DLG2: variants seen among roughly 807,000 people sequenced by gnomAD.
DLG2 encodes the protein discs large MAGUK scaffold protein 2, also known as disks large homolog 2.
A neutral mutation model predicts 132.5 loss-of-function variants in DLG2; 45 were observed. That is an observed-to-expected ratio of 0.34 (90% CI 0.27 to 0.44). The LOEUF (loss-of-function observed/expected upper bound fraction) is 0.44. Among genes scored for constraint, DLG2 ranks in the 20% least tolerant of loss-of-function variants. The pLI, the probability that DLG2 is intolerant of heterozygous loss-of-function variation, is 1.00. For missense variants in DLG2, 1,045 were observed against 1,196.9 expected (o/e 0.87, Z 1.87); for synonymous variants, 424 against 419.6 (o/e 1.01, Z -0.13).
Position 83,648,071 on chromosome 11 carries a change from T to C in DLG2, c.1826-14746A>G, listed in dbSNP as rs1203484783. The C allele has an allele frequency of 2.0e-5, 3 of 152,212 alleles. No individual in the cohort carries two copies. The South Asian group carries it at 6.2e-4, about 31-fold the overall frequency. 9.4% of individuals were successfully genotyped at this position (152,212 alleles called of 1,614,324 possible). ...TTGACACAGAATTATTCCATGAATC[T>C]GTCTATTAATCCATTTACAGCAAGT... is the stretch of plus-strand genomic sequence containing the variant. On this transcript the variant is annotated intron_variant, in intron 18 of 27. Coordinates refer to ENST00000376104, the MANE Select transcript of DLG2 (RefSeq NM_001142699.3).
chr11:83,592,560 C>T (rs1030817167), intron 19 of DLG2, among the ~76,000 whole-genome samples: 4 of 151,982 alleles, frequency 2.6e-5, no homozygotes, highest in Non-Finnish European at 4.4e-5. Flanking sequence ...ACCTAGGCAT[C>T]ACCATTCAGG....
intron 11 of DLG2, among the ~76,000 whole-genome samples, chr11:83,999,241 G>T (rs2094205798): frequency 6.6e-6 from 1 of 152,134 alleles, no homozygotes; most frequent in Non-Finnish European, 1.5e-5. Flanking sequence ...CCAGGGCCCA[G>T]CCCAGTCTAT....
intron 17 of DLG2, among the ~76,000 whole-genome samples, chr11:83,807,465 T>G (rs1386467184): frequency 6.6e-6 from 1 of 152,200 alleles, no homozygotes; most frequent in South Asian, 2.1e-4. Flanking sequence ...GCTTCAGATG[T>G]GAACGGAGCT....
intron 8 of DLG2, among the ~76,000 whole-genome samples, chr11:84,190,800 C>T (rs1350892660): frequency 1.3e-5 from 2 of 152,126 alleles, no homozygotes; most frequent in Non-Finnish European, 1.5e-5. Flanking sequence ...TACTTCCTTC[C>T]TCTTCCCTCA....
In DLG2 at chr11:83,668,027, C is replaced by T; in HGVS notation, c.1826-34702G>A. Reference sequence around the variant, plus strand: ...TTAAAGGAAGAGGGAAATGACGGCCCCTGGCTGCCAGTCACTTTGCAATTT... The same window carrying T: ...TTAAAGGAAGAGGGAAATGACGGCCTCTGGCTGCCAGTCACTTTGCAATTT... On this transcript the variant is annotated intron_variant, in intron 18 of 27. Transcript: ENST00000376104. Among the ~76,000 whole-genome samples the T allele has an allele frequency of 1.4e-5, 2 of 145,340 alleles. 1 individual carries two copies. The highest frequency in any genetic ancestry group is 4.4e-4 in the South Asian group (2 of 4,534).
intron 4 of DLG2, among the ~76,000 whole-genome samples, chr11:85,167,857 T>C (rs1462270153): frequency 6.6e-6 from 1 of 152,158 alleles, no homozygotes; most frequent in Non-Finnish European, 1.5e-5. Context: ...TTTTTTCCCC[T>C]ACACTTTTAT....
At chr11:84,738,905 A>C (rs2064221652) in intron 6 of DLG2, among the ~76,000 whole-genome samples, 1 of 152,166 alleles carries the variant, frequency 6.6e-6, no homozygotes, top group Non-Finnish European at 1.5e-5. Flanking sequence ...TATATGTAAA[A>C]CCTCAGAAGT....
intron 9 of DLG2, among the ~76,000 whole-genome samples, chr11:84,154,733 C>G (rs567403457): frequency 2.8e-4 from 43 of 152,090 alleles, no homozygotes; most frequent in African/African-American, 9.6e-4. Context: ...CCACCTATGA[C>G]TGAGAACATG....
rs369840185 is a variant in DLG2, at chr11:84,237,163, C to T, written c.573+14075G>A. On this transcript the variant is annotated intron_variant, in intron 8 of 27. Coordinates refer to ENST00000376104, the MANE Select transcript of DLG2 (RefSeq NM_001142699.3). ...CACGATGGTCTCCATCTCCTGACCTCGTGATTCGCCTGCCTCGGCCTCCCA... is the reference window on the plus strand; with the variant it reads ...CACGATGGTCTCCATCTCCTGACCTTGTGATTCGCCTGCCTCGGCCTCCCA... Among the ~76,000 whole-genome samples the T allele has an allele frequency of 6.8e-4, 104 of 152,148 alleles. 1 individual carries two copies. The highest frequency in any genetic ancestry group is 3.4e-3 in the Middle Eastern group (1 of 294).
chr11:83,748,096 G>T lies in DLG2; in HGVS notation c.1825+38594C>A, dbSNP rs564472469. 3.3e-5 allele frequency among the ~76,000 whole-genome samples: 5 copies of T among 152,272 alleles called. No homozygotes were observed. In the South Asian group the frequency reaches 1.0e-3, roughly 32 times the overall value. ...CCCATCTTTAATCATATAAAATGCT[G>T]CTTTCCTTTAGATAGATTCTGTATG... On this transcript the variant is annotated intron_variant, in intron 18 of 27. Transcript: ENST00000376104.
intron 6 of DLG2, among the ~76,000 whole-genome samples, chr11:84,959,638 G>A (rs554971427): frequency 3.0e-4 from 46 of 152,322 alleles, no homozygotes; most frequent in African/African-American, 1.1e-3. Flanking sequence ...TCTGTAGTAA[G>A]GTGGTGTAAA....
At chr11:85,024,290 G>A (rs1282584387) in intron 6 of DLG2, among the ~76,000 whole-genome samples, 1 of 152,132 alleles carries the variant, frequency 6.6e-6, no homozygotes, top group Non-Finnish European at 1.5e-5. Flanking sequence ...GTTACAGGAT[G>A]GGAAATGTAT....
intron 17 of DLG2, among the ~76,000 whole-genome samples, chr11:83,809,147 G>A (rs1015550414): frequency 4.6e-5 from 7 of 152,084 alleles, no homozygotes; most frequent in Admixed American, 4.6e-4. Flanking sequence ...CTGGAATTGT[G>A]TTATCCTTTT....
intron 15 of DLG2, among the ~76,000 whole-genome samples, chr11:83,881,232 A>G (rs2154075030): frequency 6.6e-6 from 1 of 152,218 alleles, no homozygotes. Context: ...GACTTTTACA[A>G]TTTGCTGAAT....
intron 4 of DLG2, among the ~76,000 whole-genome samples, chr11:85,203,353 A>C (rs1182132495): frequency 6.6e-6 from 1 of 152,032 alleles, no homozygotes; most frequent in Non-Finnish European, 1.5e-5. Context: ...AAACAAAATT[A>C]GAGATGAAAA....
chr11:84,712,910 T>C (rs2060609167), intron 6 of DLG2, among the ~76,000 whole-genome samples: 1 of 152,168 alleles, frequency 6.6e-6, no homozygotes, highest in Admixed American at 6.5e-5. Flanking sequence ...GACCTAGTTG[T>C]AGCCTTGGCT....
At chr11:83,827,508 C>A (rs193277873) in intron 17 of DLG2, among the ~76,000 whole-genome samples, 1 of 152,148 alleles carries the variant, frequency 6.6e-6, no homozygotes, top group Non-Finnish European at 1.5e-5. Context: ...ACCTTCACTT[C>A]GACAGCTGCA....
intron 6 of DLG2, among the ~76,000 whole-genome samples, chr11:84,841,537 T>G (rs1055952860): frequency 8.5e-5 from 13 of 152,112 alleles, no homozygotes; most frequent in African/African-American, 1.2e-4. Context: ...ATCTGTTTTG[T>G]TTACCTATTT....
At chr11:84,140,956 CA>C (rs71463198) in intron 9 of DLG2, among the ~76,000 whole-genome samples, 1,947 of 152,192 alleles carry the variant, frequency 0.013, 26 homozygotes, top group Non-Finnish European at 0.023. Context: ...TGACCCGGGA[CA>C]AATGTGTTAA....
Sources: gnomAD v4.1 joint callset for allele counts (sites outside exome capture counted in the v4.1 genomes callset) on GRCh38, gnomAD v4.1.1 for gene constraint, MANE v1.5 for transcripts, NCBI Gene and HGNC (gene_info 2026-07-23, HGNC 2026-07-21) for gene names.